Variants in GLOD4 observed in about 807,000 individuals in gnomAD.
The protein encoded by GLOD4 is glyoxalase domain-containing protein 4.
GLOD4 carries 44 observed loss-of-function variants against 39.1 expected under a neutral mutation model. That is an observed-to-expected ratio of 1.13 (90% CI 0.88 to 1.45). The LOEUF (loss-of-function observed/expected upper bound fraction) is 1.45, where lower values mean the gene tolerates loss of function less well. Among genes scored for constraint, GLOD4 ranks in the 40% most tolerant of loss-of-function variants. The pLI, the probability that GLOD4 is intolerant of heterozygous loss-of-function variation, is 0.00. For missense variants in GLOD4, 405 were observed against 366.4 expected (o/e 1.11, Z -0.86); for synonymous variants, 145 against 135.0 (o/e 1.07, Z -0.52).
intron 4 of GLOD4, among the ~76,000 whole-genome samples, 190 bp from the exon 5 acceptor site, chr17:771,651 T>A (rs1299232869): frequency 6.6e-6 from 1 of 152,216 alleles, no homozygotes; most frequent in Non-Finnish European, 1.5e-5. Flanking sequence ...GAGGATTGCG[T>A]GAGCCTAGGA....
rs1905123125 is a variant in GLOD4, at chr17:759,369, AATTCC to A, written c.*799_*803del. On this transcript the variant is annotated 3_prime_UTR_variant, in exon 9 of 9. Transcript: ENST00000301329. ...AATTTATTCAATGAATACACAATAT[AATTCC>A]ATTTCGAGTGATTAAAACCTATTTG... The A allele has an allele frequency of 6.6e-6, 1 of 152,222 alleles. No homozygotes were observed. Among genetic ancestry groups the A allele is most frequent in the Non-Finnish European group, 1.5e-5 (1 of 68,036 alleles). The allele number at this position is 152,222 out of a possible 1,614,324, so 9.4% of individuals were successfully genotyped here. A position where few individuals can be genotyped will look rare whatever the true frequency, so the allele number is the denominator to read the frequency against.
chr17:778,572 G>A (rs761269132), intron 2 of GLOD4, 123 bp downstream of exon 2: 3 of 736,322 alleles, frequency 4.1e-6, no homozygotes, highest in Non-Finnish European at 7.5e-6. Flanking sequence ...TCCTGAAGTT[G>A]CCTCCCTAAT....
At chr17:782,314 A>G (rs1266931570), upstream of GLOD4, 8 of 1,611,110 alleles carry the variant, frequency 5.0e-6, no homozygotes, top group South Asian at 5.5e-5. Context: ...GAAGGGCGCC[A>G]CGGGCCGTGA....
intron 4 of GLOD4, among the ~76,000 whole-genome samples, chr17:774,519 A>G (rs979573849): frequency 6.6e-5 from 10 of 152,220 alleles, no homozygotes; most frequent in Non-Finnish European, 1.3e-4. Context: ...GCAGTCAACA[A>G]AACAAACCCT....
In GLOD4 at chr17:769,969, G is replaced by A; in HGVS notation, c.745-14C>T. The A allele has an allele frequency of 1.9e-6, 3 of 1,591,004 alleles. No homozygotes were observed. The highest frequency in any genetic ancestry group is 2.6e-6 in the Non-Finnish European group (3 of 1,158,908). On this transcript the variant is annotated splice_polypyrimidine_tract_variant and intron_variant, in intron 7 of 8. Coordinates refer to ENST00000301329, the MANE Select transcript of GLOD4 (RefSeq NM_016080.4). Reference sequence around the variant, plus strand: ...TTCATGTCCGTCCTACACCAATAAAGAGAAAAGACACCTGCCAAAGACATC... The same window carrying A: ...TTCATGTCCGTCCTACACCAATAAAAAGAAAAGACACCTGCCAAAGACATC...
At chr17:772,496 C>A (rs1908148649) in intron 4 of GLOD4, among the ~76,000 whole-genome samples, 2 of 151,888 alleles carry the variant, frequency 1.3e-5, no homozygotes, top group Non-Finnish European at 2.9e-5. Context: ...AACTCCTAGA[C>A]AACAACCAAG....
chr17:770,522 G>A lies in GLOD4; in HGVS notation c.544-15C>T, dbSNP rs373606114. 13 of 1,325,572 alleles carry A rather than the reference G, an allele frequency of 9.8e-6. No individual in the cohort carries two copies. Among genetic ancestry groups the A allele is most frequent in the South Asian group, 4.7e-5 (4 of 85,520 alleles). 82.1% of individuals were successfully genotyped at this position (1,325,572 alleles called of 1,614,324 possible). On this transcript the variant is annotated splice_polypyrimidine_tract_variant and intron_variant, in intron 5 of 8. Coordinates refer to ENST00000301329, the MANE Select transcript of GLOD4 (RefSeq NM_016080.4). ...TCCAGCTTACACTGAAATAGGAAAG[G>A]GGGTTATTTTTTGGAACAGGTTATA...
intron 4 of GLOD4, among the ~76,000 whole-genome samples, chr17:774,979 G>A (rs181806734): frequency 6.6e-6 from 1 of 152,126 alleles, no homozygotes; most frequent in East Asian, 1.9e-4. Context: ...TGAGGCAGGA[G>A]AATCACTTGA....
intron 8 of GLOD4, 82 bp from the exon 9 acceptor site, chr17:760,320 AC>A: frequency 1.4e-6 from 1 of 730,074 alleles, no homozygotes; most frequent in Non-Finnish European, 2.4e-6. Flanking sequence ...CACTGTACTG[AC>A]CACAATAAAA....
rs755930768 is a variant in GLOD4 at position 771,313 on chromosome 17, A to C, written c.543+12T>G. 1.9e-5 allele frequency: 29 copies of C among 1,567,498 alleles called. No homozygotes were observed. The highest frequency in any genetic ancestry group is 2.5e-5 in the Non-Finnish European group (29 of 1,154,440). On this transcript the variant is annotated intron_variant, in intron 5 of 8. Transcript: ENST00000301329. ...TCAAAGTAACAGGTTATTCTTCTCC[A>C]AGATTGCTCACCTGGTTATCAGCAT...
chr17:782,818 G>A, upstream of GLOD4: 4 of 1,047,576 alleles, frequency 3.8e-6, no homozygotes, highest in East Asian at 5.2e-5. Flanking sequence ...TATGCACAGA[G>A]GGCCGAATAA....
intron 1 of GLOD4, 200 bp downstream of exon 1, chr17:781,966 C>A (rs1037392225): frequency 1.8e-6 from 1 of 561,134 alleles, no homozygotes; most frequent in Non-Finnish European, 3.2e-6. Flanking sequence ...GGGGACTAAT[C>A]GTGTTAGGCC....
At chr17:776,752 T>G (rs779071390) in intron 3 of GLOD4, 116 bp downstream of exon 3, 15 of 792,270 alleles carry the variant, frequency 1.9e-5, no homozygotes, top group Non-Finnish European at 3.0e-5. Flanking sequence ...TGACCTCTTT[T>G]GAGTCTCTGC....
upstream of GLOD4, chr17:782,678 G>A (rs1244845816): frequency 5.0e-6 from 8 of 1,603,270 alleles, no homozygotes; most frequent in South Asian, 3.3e-5. Context: ...CTTATCCCGG[G>A]GACAGGAGGC....
Position 775,813 on chromosome 17 carries a change from T to G in GLOD4, c.368A>C (p.Tyr123Ser), listed in dbSNP as rs1319836718. 6.2e-7 allele frequency: 1 copy of G among 1,614,026 alleles called. No homozygotes were observed. The highest frequency in any genetic ancestry group is 2.2e-5 in the East Asian group (1 of 44,880). ...GVFETEAPGG[Y>S]KFYLQNRSLP... is the part of the protein sequence containing the mutation. ...ACTGCGATTCTGCAAATAGAACTTA[T>G]ATCCTCCCGGGGCCTCGGTTTCAAA... is the stretch of plus-strand genomic sequence containing the variant. The change falls in exon 4 of 9, where the codon TAT (tyrosine) becomes TCT (serine). Residue 123 changes from tyrosine to serine, a missense_variant. Coordinates refer to ENST00000301329, the MANE Select transcript of GLOD4 (RefSeq NM_016080.4).
At chr17:775,106 TAAAA>T (rs60310367) in intron 4 of GLOD4, among the ~76,000 whole-genome samples, 4 of 87,296 alleles carry the variant, frequency 4.6e-5, no homozygotes, top group Admixed American at 3.8e-4. Flanking sequence ...ATAAAAATAC[TAAAA>T]AAAAAAAAAA....
intron 5 of GLOD4, 171 bp downstream of exon 5, chr17:771,154 A>C (rs1907884444): frequency 2.0e-6 from 1 of 490,798 alleles, no homozygotes; most frequent in Admixed American, 3.7e-5. Flanking sequence ...CTGGGTGGTA[A>C]GGTTATCACT....
At chr17:766,021 C>A (rs925330570) in intron 8 of GLOD4, among the ~76,000 whole-genome samples, 2 of 151,818 alleles carry the variant, frequency 1.3e-5, no homozygotes, top group Admixed American at 1.3e-4. Context: ...AGCAGGAGTT[C>A]ATCAATGGTT....
rs150194401 is a variant in GLOD4 at position 770,227 on chromosome 17, AGAG to A, written c.631-73_631-71del. ...TCAGGACACGGCCCTCGTCAGTCCT[AGAG>A]GAGTATCAGATACCATAAAGAACCA... On this transcript the variant is annotated intron_variant, in intron 6 of 8. Transcript: ENST00000301329. 1,451 of 852,402 alleles carry A rather than the reference AGAG, an allele frequency of 1.7e-3. 20 individuals carry two copies. The African/African-American group carries it at 0.022, about 13-fold the overall frequency. The allele number at this position is 852,402 out of a possible 1,614,324, so 52.8% of individuals were successfully genotyped here.
Sources: allele counts gnomAD v4.1 joint callset (sites outside exome capture counted in the v4.1 genomes callset), GRCh38; gene constraint gnomAD v4.1.1; transcripts MANE v1.5; gene names NCBI Gene and HGNC (gene_info 2026-07-23, HGNC 2026-07-21).